AGMO: variants seen among roughly 807,000 people sequenced by gnomAD.
AGMO encodes glyceryl-ether monooxygenase.
A neutral mutation model predicts 60.2 loss-of-function variants in AGMO; 75 were observed. The ratio of observed to expected loss-of-function variants is 1.25; its 90% CI spans 1.03 to 1.51. The LOEUF (loss-of-function observed/expected upper bound fraction) is 1.51. Ranked by LOEUF, AGMO falls within the 40% of genes most tolerant of loss-of-function variation. AGMO has a pLI of 0.00. For missense variants in AGMO, 763 were observed against 525.5 expected, an observed-to-expected ratio of 1.45 and a Z score of -4.42; for synonymous variants, 261 against 177.1, an observed-to-expected ratio of 1.47 and a Z score of -3.76.
chr7:15,322,981 A>ATAT (rs1554413877), intron 12 of AGMO, among the ~76,000 whole-genome samples: 8,432 of 146,338 alleles, frequency 0.058, 262 homozygotes, highest in South Asian at 0.079. Flanking sequence ...ATATATATGT[A>ATAT]TTTATTTTTT....
intron 10 of AGMO, among the ~76,000 whole-genome samples, chr7:15,371,673 T>A (rs1207431042): frequency 3.3e-5 from 5 of 152,002 alleles, no homozygotes; most frequent in Non-Finnish European, 4.4e-5. Flanking sequence ...GCTGGGATTA[T>A]AGGCGTGAGC....
intron 12 of AGMO, among the ~76,000 whole-genome samples, chr7:15,337,399 G>A (rs1371601367): frequency 2.0e-5 from 3 of 152,034 alleles, no homozygotes; most frequent in Non-Finnish European, 4.4e-5. Flanking sequence ...GGCAATGAGA[G>A]GAATGACTGG....
At chr7:15,390,782 G>A in intron 7 of AGMO, 32 bp from the exon 8 acceptor site, 1 of 1,591,058 alleles carries the variant, frequency 6.3e-7, no homozygotes, top group East Asian at 2.2e-5. Context: ...ATGAGATTTG[G>A]CTTCCTGTAA....
chr7:15,455,078 TTC>T (rs892457528), intron 3 of AGMO, among the ~76,000 whole-genome samples: 30 of 98,092 alleles, frequency 3.1e-4, no homozygotes, highest in East Asian at 1.5e-3. Context: ...CTCTCTCTCT[TTC>T]TCACACACAC....
At chr7:15,393,453 T>C (rs1040867832) in intron 6 of AGMO, among the ~76,000 whole-genome samples, 1 of 152,242 alleles carries the variant, frequency 6.6e-6, no homozygotes, top group Non-Finnish European at 1.5e-5. Context: ...ACATGTATAA[T>C]ATAAGATTTA....
chr7:15,216,658 T>G (rs1781746706), intron 12 of AGMO, among the ~76,000 whole-genome samples: 1 of 152,142 alleles, frequency 6.6e-6, no homozygotes, highest in Non-Finnish European at 1.5e-5. Flanking sequence ...GCATACTGAA[T>G]TCAAGTGTAT....
At chr7:15,241,674 G>A (rs1319730989) in intron 12 of AGMO, among the ~76,000 whole-genome samples, 1 of 151,940 alleles carries the variant, frequency 6.6e-6, no homozygotes, top group Non-Finnish European at 1.5e-5. Context: ...TCTTGACTGT[G>A]AGTTTCCCCA....
At chr7:15,341,888 A>G (rs991830274) in intron 12 of AGMO, among the ~76,000 whole-genome samples, 11 of 151,968 alleles carry the variant, frequency 7.2e-5, no homozygotes, top group African/African-American at 2.4e-4. Flanking sequence ...CGTGAGACAT[A>G]TTCACTATCA....
At chr7:15,160,432 T>C in the AGMO span, among the ~76,000 whole-genome samples, 1 of 152,174 alleles carries the variant, frequency 6.6e-6, no homozygotes, top group Non-Finnish European at 1.5e-5. Flanking sequence ...TGACTTAATA[T>C]TCCCAAAATA....
intron 2 of AGMO, among the ~76,000 whole-genome samples, chr7:15,559,177 A>T (rs1785235064): frequency 6.6e-6 from 1 of 152,160 alleles, no homozygotes; most frequent in South Asian, 2.1e-4. Flanking sequence ...ACATAATGTT[A>T]CAGGAATATT....
At chr7:15,368,627 G>C (rs1210728904) in intron 10 of AGMO, among the ~76,000 whole-genome samples, 1 of 152,108 alleles carries the variant, frequency 6.6e-6, no homozygotes, top group African/African-American at 2.4e-5. Context: ...TTGGCACAGA[G>C]TAAAAAAGTC....
intron 4 of AGMO, among the ~76,000 whole-genome samples, chr7:15,427,270 T>C (rs1246472665): frequency 6.6e-6 from 1 of 152,186 alleles, no homozygotes; most frequent in African/African-American, 2.4e-5. Flanking sequence ...CGTGTAGCTG[T>C]GTTTTTTAAT....
intron 12 of AGMO, 129 bp downstream of exon 12, chr7:15,365,380 TAAAAA>T: frequency 2.3e-5 from 5 of 215,410 alleles, no homozygotes; most frequent in South Asian, 1.5e-4. Context: ...TACTGGTAAG[TAAAAA>T]AAAAAAAAAA....
chr7:15,471,951 C>T (rs935101642), intron 3 of AGMO, among the ~76,000 whole-genome samples: 6 of 151,686 alleles, frequency 4.0e-5, no homozygotes, highest in African/African-American at 1.2e-4. Flanking sequence ...GTGACTGTTG[C>T]CCAGAGACCA....
At chr7:15,277,453 C>T (rs1056164530) in intron 12 of AGMO, among the ~76,000 whole-genome samples, 10 of 151,964 alleles carry the variant, frequency 6.6e-5, no homozygotes, top group African/African-American at 2.4e-4. Context: ...TCTCATAGTC[C>T]CAGAATTCTT....
Position 15,261,838 on chromosome 7 carries a change from T to G in AGMO, c.1264-60479A>C, listed in dbSNP as rs117877436. 6.2e-3 allele frequency among the ~76,000 whole-genome samples: 943 copies of G among 152,168 alleles called. 4 individuals carry two copies. The highest frequency in any genetic ancestry group is 9.5e-3 in the Non-Finnish European group (647 of 67,968). Reference sequence around the variant, plus strand: ...GGGTTTCATACCAGGGATGAAGGGATGATTTGACATCCAGAAATCAATAAA... The same window carrying G: ...GGGTTTCATACCAGGGATGAAGGGAGGATTTGACATCCAGAAATCAATAAA... On this transcript the variant is annotated intron_variant, in intron 12 of 12. Coordinates refer to ENST00000342526, the MANE Select transcript of AGMO (RefSeq NM_001004320.2).
intron 12 of AGMO, among the ~76,000 whole-genome samples, chr7:15,343,470 A>G (rs893224022): frequency 6.6e-6 from 1 of 152,186 alleles, no homozygotes; most frequent in Non-Finnish European, 1.5e-5. Context: ...AAGGGGCTGG[A>G]GAAACAGTTA....
chr7:15,330,732 A>T (rs1370301190), intron 12 of AGMO, among the ~76,000 whole-genome samples: 2 of 152,182 alleles, frequency 1.3e-5, no homozygotes, highest in African/African-American at 4.8e-5. Context: ...TTTAAAGTCA[A>T]GCATTCCTGT....
At chr7:15,232,633 T>A (rs957420287) in intron 12 of AGMO, among the ~76,000 whole-genome samples, 2 of 152,138 alleles carry the variant, frequency 1.3e-5, no homozygotes, top group Admixed American at 1.3e-4. Context: ...ATTTAAAGAA[T>A]GTGTGCTACA....
Sources: allele counts gnomAD v4.1 joint callset (sites outside exome capture counted in the v4.1 genomes callset), GRCh38; gene constraint gnomAD v4.1.1; transcripts MANE v1.5; gene names NCBI Gene and HGNC (gene_info 2026-07-23, HGNC 2026-07-21).